The following CWF19L2 variants were observed in gnomAD, a reference collection of about 807,000 sequenced individuals.
CWF19L2 encodes CWF19 like cell cycle control factor 2, also known as CWF19-like protein 2.
In CWF19L2, 98 loss-of-function variants were observed where a neutral mutation model predicts 111.7. That is an observed-to-expected ratio of 0.88 (90% CI 0.75 to 1.04). The LOEUF is 1.04. Among genes scored for constraint, CWF19L2 ranks in the 50% least tolerant of loss-of-function variants. The probability of loss-of-function intolerance (pLI) is 0.00; values close to 1 mark genes in which losing one functional copy is unlikely to be tolerated. For missense variants in CWF19L2, 1,101 were observed against 1,051.4 expected (o/e 1.05, Z -0.65); for synonymous variants, 351 against 342.9 (o/e 1.02, Z -0.26).
intron 15 of CWF19L2, 86 bp downstream of exon 15, chr11:107,336,471 GA>G (rs1565242390): frequency 6.2e-6 from 7 of 1,120,628 alleles, no homozygotes; most frequent in South Asian, 1.5e-5. Flanking sequence ...GTATATAGGA[GA>G]AAAATATGTT....
intron 10 of CWF19L2, chr11:107,403,665 G>A (rs1861038898): frequency 1.3e-6 from 1 of 777,502 alleles, no homozygotes; most frequent in Non-Finnish European, 2.4e-6. Flanking sequence ...TTTGGTGCTT[G>A]TTCTTCCTCA....
At chr11:107,366,984 AAAAC>A (rs1477326078) in intron 12 of CWF19L2, among the ~76,000 whole-genome samples, 1 of 98,584 alleles carries the variant, frequency 1.0e-5, no homozygotes, top group African/African-American at 4.3e-5. Flanking sequence ...TTACAAGAAA[AAAAC>A]AAACAACCCC....
chr11:107,414,046 C>T (rs1861192951), intron 10 of CWF19L2, among the ~76,000 whole-genome samples: 1 of 152,084 alleles, frequency 6.6e-6, no homozygotes, highest in Non-Finnish European at 1.5e-5. Flanking sequence ...AGTTGTATAC[C>T]TGGACAAGTT....
chr11:107,429,135 G>C lies in CWF19L2; in HGVS notation c.1097C>G (p.Ala366Gly). 1 of 1,613,696 alleles carries C rather than the reference G, an allele frequency of 6.2e-7. No homozygotes were observed. The highest frequency in any genetic ancestry group is 8.5e-7 in the Non-Finnish European group (1 of 1,179,764). The change falls in exon 8 of 18, where the codon GCT becomes GGT. Residue 366 changes from alanine to glycine, a missense_variant. Transcript: ENST00000282251. Reference sequence around the variant, plus strand: ...ATCATCAGAGGGTCTCAAGAATTTAGCTCTCAAATTGCCAAAAGAAAACTC... The same window carrying C: ...ATCATCAGAGGGTCTCAAGAATTTACCTCTCAAATTGCCAAAAGAAAACTC... Reference protein sequence around the residue: ...NQEFSFGNLRAKFLRPSDDEE... With the variant: ...NQEFSFGNLRGKFLRPSDDEE...
At chr11:107,422,663 A>C (rs1000405016) in intron 8 of CWF19L2, among the ~76,000 whole-genome samples, 4 of 152,162 alleles carry the variant, frequency 2.6e-5, no homozygotes, top group South Asian at 2.1e-4. Flanking sequence ...AATATAAAGG[A>C]TATATCTGGT....
At chr11:107,386,653 C>T (rs1436441239) in intron 12 of CWF19L2, among the ~76,000 whole-genome samples, 1 of 152,198 alleles carries the variant, frequency 6.6e-6, no homozygotes, top group Non-Finnish European at 1.5e-5. Context: ...GCCTCACTGG[C>T]TGCACTTCTT....
At position 107,383,973 on chromosome 11, in the gene CWF19L2, A is replaced by G. The variant is rs534554256; in HGVS notation, c.1872+6101T>C. On this transcript the variant is annotated intron_variant, in intron 12 of 17. Transcript: ENST00000282251. ...CCAAGATTACTGAACTATTTTTCATAGCTATTTATTTAGTGCTTCCTTTTC... is the reference window on the plus strand; with the variant it reads ...CCAAGATTACTGAACTATTTTTCATGGCTATTTATTTAGTGCTTCCTTTTC... 1.4e-3 allele frequency among the ~76,000 whole-genome samples: 215 copies of G among 152,322 alleles called. 1 individual carries two copies. The highest frequency in any genetic ancestry group is 3.5e-3 in the South Asian group (17 of 4,832).
intron 10 of CWF19L2, among the ~76,000 whole-genome samples, chr11:107,407,566 T>C (rs2042535): frequency 0.42 from 64,306 of 151,696 alleles, 13,777 homozygotes; most frequent in Middle Eastern, 0.48. Flanking sequence ...TAAATGCTAA[T>C]AGTAGAGTTA....
Sources: allele counts gnomAD v4.1 joint callset (sites outside exome capture counted in the v4.1 genomes callset), GRCh38; gene constraint gnomAD v4.1.1; transcripts MANE v1.5; gene names NCBI Gene and HGNC (gene_info 2026-07-23, HGNC 2026-07-21).